Variants in KMO observed in about 807,000 individuals in gnomAD.
KMO encodes the protein kynurenine 3-monooxygenase.
Under a neutral mutation model 57.8 loss-of-function variants are expected in KMO, and 24 were observed. The observed-to-expected ratio is 0.42, with a 90% CI of 0.30 to 0.58. The LOEUF (loss-of-function observed/expected upper bound fraction) is 0.58. Among genes scored for constraint, KMO ranks in the 20% least tolerant of loss-of-function variants. KMO has a pLI of 0.22. For synonymous variants in KMO, 210 were observed against 193.6 expected (o/e 1.08, Z -0.70); for missense variants, 483 against 588.2 (o/e 0.82, Z 1.85).
At position 241,549,202 on chromosome 1, in the gene KMO, G is replaced by GAAGA. The variant is rs71570903; in HGVS notation, c.124+368_124+371dup. Among the ~76,000 whole-genome samples, 94 of 19,956 alleles carry GAAGA rather than the reference G, an allele frequency of 4.7e-3. 1 individual carries two copies. The highest frequency in any genetic ancestry group is 0.015 in the African/African-American group (92 of 6,304). The allele number at this position is 19,956 out of a possible 152,430, so 13.1% of individuals were successfully genotyped here. A position where few individuals can be genotyped will look rare whatever the true frequency, so the allele number is the denominator to read the frequency against. ...AAAGAGAGAGAGAGAGAAAGAAAAG[G>GAAGA]AAGAAAGAAAGAAAGAAAGAAAGAA... On this transcript the variant is annotated intron_variant, in intron 2 of 14. Transcript: ENST00000366559.
intron 9 of KMO, among the ~76,000 whole-genome samples, chr1:241,567,309 C>T (rs991964358): frequency 3.3e-5 from 5 of 152,292 alleles, no homozygotes; most frequent in African/African-American, 1.2e-4. Flanking sequence ...AAGGCACTAG[C>T]AGATTCGGTG....
rs1291916004 is a variant in KMO, at chr1:241,594,028, A to T, written c.*1875A>T. 2 of 177,026 alleles carry T rather than the reference A, an allele frequency of 1.1e-5. No individual in the cohort carries two copies. The highest frequency in any genetic ancestry group is 1.1e-4 in the Admixed American group (2 of 17,572). The allele number at this position is 177,026 out of a possible 1,614,324, so 11.0% of individuals were successfully genotyped here. A position where few individuals can be genotyped will look rare whatever the true frequency, so the allele number is the denominator to read the frequency against. Reference sequence around the variant, plus strand: ...AATAGAGTCCAACAGTACAAAAAAAATTCAGTATGTTCTAGCTACTTCACA... The same window carrying T: ...AATAGAGTCCAACAGTACAAAAAAATTTCAGTATGTTCTAGCTACTTCACA... On this transcript the variant is annotated 3_prime_UTR_variant, in exon 15 of 15. Transcript: ENST00000366559.
intron 1 of KMO, among the ~76,000 whole-genome samples, chr1:241,547,788 C>T (rs61825635): frequency 6.6e-5 from 10 of 152,044 alleles, no homozygotes; most frequent in South Asian, 2.1e-4. Context: ...AGAAAAGTGA[C>T]GGTACATAAA....
At chr1:241,564,019 G>A (rs1383901889) in intron 7 of KMO, among the ~76,000 whole-genome samples, 2 of 152,106 alleles carry the variant, frequency 1.3e-5, no homozygotes, top group Non-Finnish European at 2.9e-5. Flanking sequence ...TGCACTGTAA[G>A]GTCAAGAGTT....
At chr1:241,563,882 T>C (rs557318944) in intron 7 of KMO, among the ~76,000 whole-genome samples, 71 of 152,316 alleles carry the variant, frequency 4.7e-4, no homozygotes, top group African/African-American at 1.7e-3. Context: ...ATGTGTGAAA[T>C]AGACACTTGC....
chr1:241,564,171 G>GT (rs1661988866), intron 7 of KMO, among the ~76,000 whole-genome samples: 1 of 152,032 alleles, frequency 6.6e-6, no homozygotes, highest in Admixed American at 6.6e-5. Flanking sequence ...AGACTATGCT[G>GT]TTTTTTTGGT....
intron 5 of KMO, 86 bp from the exon 6 acceptor site, chr1:241,560,579 C>G: frequency 1.0e-6 from 1 of 969,054 alleles, no homozygotes; most frequent in Non-Finnish European, 1.7e-6. Context: ...CATACTGTTC[C>G]CAGAAAACAA....
intron 3 of KMO, 56 bp downstream of exon 3, chr1:241,549,830 A>T: frequency 9.5e-7 from 1 of 1,051,692 alleles, no homozygotes; most frequent in Non-Finnish European, 1.5e-6. Flanking sequence ...CAACAATTGC[A>T]TGGTTTGATT....
At chr1:241,533,863 A>G (rs1660663782) in intron 1 of KMO, among the ~76,000 whole-genome samples, 1 of 152,242 alleles carries the variant, frequency 6.6e-6, no homozygotes, top group Non-Finnish European at 1.5e-5. Flanking sequence ...ACATGTGACC[A>G]GAGACCTGAA....
intron 5 of KMO, among the ~76,000 whole-genome samples, chr1:241,557,996 C>A (rs997995538): frequency 6.6e-6 from 1 of 151,900 alleles, no homozygotes; most frequent in Non-Finnish European, 1.5e-5. Flanking sequence ...ATTTGCATAA[C>A]CCTTTCAACA....
intron 11 of KMO, among the ~76,000 whole-genome samples, chr1:241,587,322 C>T (rs1280839114): frequency 3.9e-5 from 6 of 152,206 alleles, no homozygotes; most frequent in African/African-American, 1.4e-4. Flanking sequence ...GTAATGCCAT[C>T]TCAACTGCCA....
At chr1:241,539,389 A>C (rs10802970) in intron 1 of KMO, among the ~76,000 whole-genome samples, 40,368 of 150,430 alleles carry the variant, frequency 0.27, 6,241 homozygotes, top group Non-Finnish European at 0.33. Context: ...GTCTCAAAAA[A>C]ATTCCAGAAA....
chr1:241,551,710 C>T (rs779337148), intron 4 of KMO, among the ~76,000 whole-genome samples: 5 of 152,180 alleles, frequency 3.3e-5, no homozygotes, highest in African/African-American at 4.8e-5. Flanking sequence ...AACAGAAAAA[C>T]TCCAACTTCC....
intron 10 of KMO, among the ~76,000 whole-genome samples, chr1:241,585,792 A>T (rs1171067048): frequency 4.6e-5 from 7 of 151,746 alleles, no homozygotes; most frequent in Admixed American, 3.9e-4. Flanking sequence ...ACCAAAAAGA[A>T]AAAAAATCTT....
chr1:241,549,256 A>AGACG lies in KMO; in HGVS notation c.124+360_124+361insCGGA, dbSNP rs1661292007. Among the ~76,000 whole-genome samples the AGACG allele has an allele frequency of 1.0e-4, 12 of 114,806 alleles. 2 individuals carry two copies. Among genetic ancestry groups the AGACG allele is most frequent in the East Asian group, 5.4e-4 (2 of 3,726 alleles). 75.3% of individuals were successfully genotyped at this position (114,806 alleles called of 152,430 possible). ...AAGAAAGAAAGAAAGAAAGAAAGAA[A>AGACG]GAAAGAAAGAAAGGAAGGAAGAAAG... On this transcript the variant is annotated intron_variant, in intron 2 of 14. Transcript: ENST00000366559.
chr1:241,555,157 G>A (rs962904075), intron 4 of KMO, among the ~76,000 whole-genome samples: 15 of 151,714 alleles, frequency 9.9e-5, no homozygotes, highest in African/African-American at 2.7e-4. Context: ...ACACACACAC[G>A]CGTGCACACA....
chr1:241,586,868 C>T (rs1573940352), intron 11 of KMO, 132 bp downstream of exon 11: 1 of 654,856 alleles, frequency 1.5e-6, no homozygotes, highest in East Asian at 2.8e-5. Flanking sequence ...ACATATTTTT[C>T]TACTAATAGT....
intron 10 of KMO, among the ~76,000 whole-genome samples, chr1:241,576,286 C>T (rs1457972746): frequency 6.6e-6 from 1 of 151,982 alleles, no homozygotes; most frequent in East Asian, 1.9e-4. Context: ...ATGTGAGGTG[C>T]TGTTTCAGTC....
At chr1:241,553,290 G>A (rs1445630367) in intron 4 of KMO, among the ~76,000 whole-genome samples, 3 of 152,236 alleles carry the variant, frequency 2.0e-5, no homozygotes, top group African/African-American at 4.8e-5. Context: ...AAGATATGGA[G>A]TAGACTAGAA....
Sources: allele counts gnomAD v4.1 joint callset (sites outside exome capture counted in the v4.1 genomes callset), GRCh38; gene constraint gnomAD v4.1.1; transcripts MANE v1.5; gene names NCBI Gene and HGNC (gene_info 2026-07-23, HGNC 2026-07-21).